The following AFG3L2 variants were observed in gnomAD, a reference collection of about 807,000 sequenced individuals.
The protein encoded by AFG3L2 is AFG3 like matrix AAA peptidase subunit 2, also known as mitochondrial inner membrane m-AAA protease component AFG3L2.
In AFG3L2, 54 loss-of-function variants were observed where a neutral mutation model predicts 94.5. That is an observed-to-expected ratio of 0.57 (90% CI 0.46 to 0.72). The LOEUF (loss-of-function observed/expected upper bound fraction) is 0.72. Ranked by LOEUF, AFG3L2 falls within the 30% of genes least tolerant of loss-of-function variation. AFG3L2 has a pLI of 0.00. For synonymous variants in AFG3L2, 377 were observed against 365.5 expected, an observed-to-expected ratio of 1.03 and a Z score of -0.36; for missense variants, 754 against 994.9, an observed-to-expected ratio of 0.76 and a Z score of 3.26.
chr18:12,353,196 A>C, intron 9 of AFG3L2, 38 bp from the exon 10 acceptor site: 1 of 1,610,764 alleles, frequency 6.2e-7, no homozygotes, highest in Non-Finnish European at 8.5e-7. Flanking sequence ...TGACCAGAGA[A>C]TATTATGTAT....
chr18:12,365,767 T>C (rs1229612936), intron 5 of AFG3L2, among the ~76,000 whole-genome samples: 1 of 152,234 alleles, frequency 6.6e-6, no homozygotes, highest in Non-Finnish European at 1.5e-5. Context: ...CGTCTTACTT[T>C]ATCCATTTCA....
intron 1 of AFG3L2, among the ~76,000 whole-genome samples, chr18:12,374,720 C>T (rs533224230): frequency 6.6e-6 from 1 of 152,114 alleles, no homozygotes; most frequent in South Asian, 2.1e-4. Context: ...AATGCAGATC[C>T]CCACCTGGAA....
intron 16 of AFG3L2, among the ~76,000 whole-genome samples, chr18:12,331,527 G>A (rs184188240): frequency 1.5e-4 from 23 of 152,246 alleles, no homozygotes; most frequent in East Asian, 9.6e-4. Context: ...ATATGGCCAC[G>A]CGCAATGGCT....
chr18:12,345,195 G>A (rs1463387289), intron 13 of AFG3L2, among the ~76,000 whole-genome samples: 1 of 152,304 alleles, frequency 6.6e-6, no homozygotes, highest in African/African-American at 2.4e-5. Flanking sequence ...AGACCCAGAG[G>A]GCAAACCCCA....
chr18:12,347,822 T>C (rs1176168872), intron 13 of AFG3L2, among the ~76,000 whole-genome samples: 4 of 152,196 alleles, frequency 2.6e-5, no homozygotes, highest in Admixed American at 2.6e-4. Flanking sequence ...GTGCTGGGAT[T>C]ACAGGCGTGA....
chr18:12,333,476 C>T (rs1287108496), intron 16 of AFG3L2, among the ~76,000 whole-genome samples: 1 of 150,280 alleles, frequency 6.7e-6, no homozygotes, highest in Non-Finnish European at 1.5e-5. Context: ...GTGATCCTCC[C>T]ATCTCAGCCT....
intron 16 of AFG3L2, among the ~76,000 whole-genome samples, chr18:12,333,120 TAGATTATATATATAATATATATA>T (rs1907620985): frequency 1.4e-5 from 1 of 70,922 alleles, no homozygotes; most frequent in African/African-American, 4.8e-5. Flanking sequence ...TATTATATAA[TAGATTATATATATAATATATATA>T]ATATATAATA....
rs780618678 is a variant in AFG3L2, at chr18:12,356,715, G to A, written c.1143C>T (p.Phe381=). 11 of 1,614,170 alleles carry A rather than the reference G, an allele frequency of 6.8e-6. No individual in the cohort carries two copies. The highest frequency in any genetic ancestry group is 4.4e-5 in the South Asian group (4 of 91,068). The change falls in exon 9 of 17, where the codon TTC becomes TTT. Residue 381 remains phenylalanine, a synonymous_variant. Coordinates refer to ENST00000269143, the MANE Select transcript of AFG3L2 (RefSeq NM_006796.3). ...TCACTCTAGCAGGGCCCACACCAAC[G>A]AACATCTCCAAAAACTCAGATCCAC... ...TVSGSEFLEM[F]VGVGPARVRD...
chr18:12,350,996 G>T, intron 12 of AFG3L2, 89 bp downstream of exon 12: 4 of 1,550,724 alleles, frequency 2.6e-6, no homozygotes, highest in Non-Finnish European at 2.7e-6. Flanking sequence ...CAGTAAAGAA[G>T]TGAAAAGGTA....
intron 16 of AFG3L2, among the ~76,000 whole-genome samples, chr18:12,330,619 A>G (rs1292454342): frequency 6.6e-6 from 1 of 152,090 alleles, no homozygotes; most frequent in Non-Finnish European, 1.5e-5. Context: ...CTCTACTAAA[A>G]ATACAAAAAT....
chr18:12,336,678 A>G (rs1907752415), intron 16 of AFG3L2, among the ~76,000 whole-genome samples: 1 of 152,216 alleles, frequency 6.6e-6, no homozygotes, highest in African/African-American at 2.4e-5. Flanking sequence ...CCCTTATAAA[A>G]GGCTTTTACA....
In AFG3L2 at chr18:12,359,947, G is replaced by C; in HGVS notation, c.732C>G (p.Val244=). ...GIEGENRVPV[V]YIAESDGSFL... ...ATTACCCATCACTTTCAGCAATGTA[G>C]ACAACAGGCACCCGATTTTCTCCTT... is the stretch of plus-strand genomic sequence containing the variant. The change falls in exon 7 of 17, where the codon GTC becomes GTG. Residue 244 remains valine, a synonymous_variant. Transcript: ENST00000269143. 6.2e-7 allele frequency: 1 copy of C among 1,613,780 alleles called. No individual in the cohort carries two copies. The highest frequency in any genetic ancestry group is 1.1e-5 in the South Asian group (1 of 91,054).
chr18:12,350,211 ATG>A (rs1182459081), intron 12 of AFG3L2, among the ~76,000 whole-genome samples: 3 of 142,420 alleles, frequency 2.1e-5, no homozygotes, highest in Admixed American at 7.0e-5. Context: ...GGGTTTTGCC[ATG>A]TTAGCCAGGC....
At chr18:12,358,595 T>C in intron 8 of AFG3L2, 75 bp downstream of exon 8, 1 of 1,511,392 alleles carries the variant, frequency 6.6e-7, no homozygotes, top group East Asian at 2.4e-5. Context: ...CTATAATAAG[T>C]AATCAAACTT....
chr18:12,336,917 C>T (rs1218140229), intron 16 of AFG3L2, among the ~76,000 whole-genome samples: 1 of 152,194 alleles, frequency 6.6e-6, no homozygotes, highest in African/African-American at 2.4e-5. Context: ...CTTTCACGTA[C>T]CAATTTCCTA....
chr18:12,342,251 T>C (rs1907976857), intron 14 of AFG3L2: 1 of 152,240 alleles, frequency 6.6e-6, no homozygotes, highest in Admixed American at 6.5e-5. Flanking sequence ...TTCTTCATTT[T>C]AACCATTCTA....
intron 12 of AFG3L2, 138 bp downstream of exon 12, chr18:12,350,946 CA>C: frequency 2.7e-4 from 325 of 1,183,012 alleles, no homozygotes; most frequent in Non-Finnish European, 3.1e-4. Flanking sequence ...GACCCTGTCT[CA>C]AAAAAAATAA....
chr18:12,354,135 C>G lies in AFG3L2; in HGVS notation c.1165-977G>C, dbSNP rs563284461. On this transcript the variant is annotated intron_variant, in intron 9 of 16. Coordinates refer to ENST00000269143, the MANE Select transcript of AFG3L2 (RefSeq NM_006796.3). ...AACTCTCCACCTGCCCACTCCCACCCCCCCCCCCCCACTTCACTGGACAGA... is the reference window on the plus strand; with the variant it reads ...AACTCTCCACCTGCCCACTCCCACCGCCCCCCCCCCACTTCACTGGACAGA... Among the ~76,000 whole-genome samples the G allele has an allele frequency of 5.7e-4, 72 of 126,418 alleles. 3 individuals are homozygous for G. Among genetic ancestry groups the G allele is most frequent in the South Asian group, 3.8e-3 (13 of 3,448 alleles). 82.9% of individuals were successfully genotyped at this position (126,418 alleles called of 152,430 possible).
At chr18:12,333,107 A>G (rs1415749332) in intron 16 of AFG3L2, among the ~76,000 whole-genome samples, 2 of 59,018 alleles carry the variant, frequency 3.4e-5, no homozygotes, top group Non-Finnish European at 6.7e-5. Context: ...TCTATTATAT[A>G]ACTATTATAT....
Sources: allele counts gnomAD v4.1 joint callset (sites outside exome capture counted in the v4.1 genomes callset), GRCh38; gene constraint gnomAD v4.1.1; transcripts MANE v1.5; gene names NCBI Gene and HGNC (gene_info 2026-07-23, HGNC 2026-07-21).